FAT3: variants seen among roughly 807,000 people sequenced by gnomAD.
FAT3 encodes protocadherin Fat 3.
A neutral mutation model predicts 310.2 loss-of-function variants in FAT3; 95 were observed. That is an observed-to-expected ratio of 0.31 (90% CI 0.26 to 0.36). The LOEUF is 0.36. Ranked by LOEUF, FAT3 falls within the 10% of genes least tolerant of loss-of-function variation. The pLI is 1.00. For missense variants in FAT3, 5,408 were observed against 5,715.6 expected, an observed-to-expected ratio of 0.95 and a Z score of 1.74; for synonymous variants, 2,314 against 2,192.9, an observed-to-expected ratio of 1.06 and a Z score of -1.54.
At chr11:92,389,648 T>C (rs79121235) in intron 2 of FAT3, among the ~76,000 whole-genome samples, 9,012 of 152,226 alleles carry the variant, frequency 0.059, 895 homozygotes, top group African/African-American at 0.2. Context: ...ATGTGGCTTA[T>C]TTTTGGTGAA....
chr11:92,707,024 C>T (rs775088898), intron 4 of FAT3, among the ~76,000 whole-genome samples: 29 of 152,142 alleles, frequency 1.9e-4, no homozygotes, highest in Non-Finnish European at 2.5e-4. Flanking sequence ...TTTCTGTGCT[C>T]CTGGTTGACC....
intron 7 of FAT3, among the ~76,000 whole-genome samples, chr11:92,780,541 A>C (rs1268999414): frequency 6.6e-6 from 1 of 152,200 alleles, no homozygotes; most frequent in Admixed American, 6.5e-5. Flanking sequence ...AAGGAAAGAG[A>C]GGCAAAGCAA....
At chr11:92,387,398 T>G (rs998605422) in intron 2 of FAT3, among the ~76,000 whole-genome samples, 1 of 151,934 alleles carries the variant, frequency 6.6e-6, no homozygotes, top group African/African-American at 2.4e-5. Flanking sequence ...CTAGCCAAAA[T>G]CTGTGTGTGT....
intron 2 of FAT3, among the ~76,000 whole-genome samples, chr11:92,521,824 GTAAATGCTA>G (rs1953694223): frequency 6.6e-6 from 1 of 152,128 alleles, no homozygotes; most frequent in Non-Finnish European, 1.5e-5. Context: ...TGGATCCTCA[GTAAATGCTA>G]TTTCCCCTGC....
At chr11:92,677,445 C>G (rs563875639) in intron 3 of FAT3, among the ~76,000 whole-genome samples, 1 of 152,328 alleles carries the variant, frequency 6.6e-6, no homozygotes, top group South Asian at 2.1e-4. Flanking sequence ...GATATTTTAA[C>G]CTTCACACTG....
At chr11:92,530,734 A>G (rs550158272) in intron 3 of FAT3, among the ~76,000 whole-genome samples, 1 of 152,228 alleles carries the variant, frequency 6.6e-6, no homozygotes, top group African/African-American at 2.4e-5. Flanking sequence ...TGATTATAAA[A>G]AAGTGTTAGT....
intron 2 of FAT3, among the ~76,000 whole-genome samples, chr11:92,439,421 CAT>C (rs1308321358): frequency 1.3e-5 from 2 of 152,004 alleles, no homozygotes; most frequent in Admixed American, 6.6e-5. Context: ...CAATAAGAAA[CAT>C]GTGGTTTTAT....
At chr11:92,772,550 G>C (rs1337415917) in intron 6 of FAT3, among the ~76,000 whole-genome samples, 1 of 151,928 alleles carries the variant, frequency 6.6e-6, no homozygotes, top group East Asian at 1.9e-4. Context: ...TTTTTTTGGA[G>C]TTAATATTTA....
At chr11:92,729,321 A>AT (rs1945098640) in intron 4 of FAT3, among the ~76,000 whole-genome samples, 2 of 151,862 alleles carry the variant, frequency 1.3e-5, no homozygotes, top group South Asian at 4.2e-4. Context: ...AAATTTTATT[A>AT]TTTTTTCACA....
At chr11:92,824,924 A>G (rs1330877784) in intron 13 of FAT3, among the ~76,000 whole-genome samples, 2 of 152,190 alleles carry the variant, frequency 1.3e-5, no homozygotes, top group Non-Finnish European at 2.9e-5. Flanking sequence ...TATACATCAT[A>G]TGACCGTGGG....
chr11:92,783,981 A>G (rs1946823496), intron 7 of FAT3, among the ~76,000 whole-genome samples: 1 of 152,206 alleles, frequency 6.6e-6, no homozygotes, highest in South Asian at 2.1e-4. Flanking sequence ...TCTCTATAGC[A>G]AAGTACATAA....
At chr11:92,578,273 A>G (rs2135524258) in intron 3 of FAT3, among the ~76,000 whole-genome samples, 1 of 152,248 alleles carries the variant, frequency 6.6e-6, no homozygotes, top group Middle Eastern at 3.4e-3. Context: ...ACAGATTGTG[A>G]GTGTGCTAAA....
At position 92,799,316 on chromosome 11, in the gene FAT3, T is replaced by A. The variant is rs374741639; in HGVS notation, c.6303T>A (p.Thr2101=). ...TTCAAGTGGATGCGGAACCCGGGAC[T>A]CTGATTTATCAGGTGACAGCCATTG... The part of the protein sequence containing the change: ...AAVQVDAEPG[T]LIYQVTAIDK... The change falls in exon 10 of 28, where the codon ACT becomes ACA. Residue 2101 remains threonine, a synonymous_variant. Transcript: ENST00000525166. 6.4e-5 allele frequency: 103 copies of A among 1,613,772 alleles called. No individual in the cohort carries two copies. The highest frequency in any genetic ancestry group is 8.4e-5 in the Non-Finnish European group (99 of 1,179,864).
At chr11:92,677,389 A>G (rs985238241) in intron 3 of FAT3, among the ~76,000 whole-genome samples, 1 of 152,234 alleles carries the variant, frequency 6.6e-6, no homozygotes, top group Non-Finnish European at 1.5e-5. Flanking sequence ...AGAGGCTAAA[A>G]TGAACTCTGA....
chr11:92,583,213 G>A (rs1270646060), intron 3 of FAT3, among the ~76,000 whole-genome samples: 5 of 151,964 alleles, frequency 3.3e-5, no homozygotes, highest in Admixed American at 6.6e-5. Context: ...ATTAAGGGAG[G>A]GGACTTGGAA....
Position 92,844,224 on chromosome 11 carries a change from T to C in FAT3, c.10857T>C (p.Asn3619=). ...GGLDSGKYVL[N]VSVSDGRFQV... ...TGGACAGCGGCAAGTATGTCCTGAA[T>C]GTGTCTGTGAGTGATGGTCGCTTCC... is the stretch of plus-strand genomic sequence containing the variant. The change falls in exon 19 of 28, where the codon AAT becomes AAC. Residue 3619 remains asparagine, a synonymous_variant. Coordinates refer to ENST00000525166, the MANE Select transcript of FAT3 (RefSeq NM_001367949.2). 6.2e-7 allele frequency: 1 copy of C among 1,614,040 alleles called. No individual in the cohort carries two copies. Among genetic ancestry groups the C allele is most frequent in the Non-Finnish European group, 8.5e-7 (1 of 1,179,910 alleles).
intron 2 of FAT3, among the ~76,000 whole-genome samples, chr11:92,447,777 G>A (rs572557441): frequency 2.0e-5 from 3 of 152,244 alleles, no homozygotes; most frequent in African/African-American, 4.8e-5. Context: ...GAAGTGGAAC[G>A]AGAAGAACCA....
At chr11:92,309,340 A>G (rs1172441858) in intron 1 of FAT3, among the ~76,000 whole-genome samples, 1 of 122,822 alleles carries the variant, frequency 8.1e-6, no homozygotes, top group Non-Finnish European at 1.6e-5. Flanking sequence ...TTCCCTGTCC[A>G]TACATTGGTG....
In FAT3 at chr11:92,798,030, C is replaced by A. The variant is rs1193239395; in HGVS notation, c.5017C>A (p.His1673Asn). 6.2e-7 allele frequency: 1 copy of A among 1,613,890 alleles called. No homozygotes were observed. Residue 1673 changes from histidine (H) to asparagine (N), a missense_variant, in exon 10 of 28, where the codon CAC becomes AAC. Physicochemically the swap from His to Asn is moderately conservative, Grantham distance 68. This residue lies in a region of FAT3 where 4,588 missense variants were observed against 4,809.8 expected (regional missense o/e 0.95). Transcript: ENST00000525166. ...TGACAATTCTCACCCCAAGTTCATT[C>A]ACAAAGACTACCAAGCAGAAGTAAA... ...MSDNSHPKFI[H>N]KDYQAEVNEN...
Sources: gnomAD v4.1 joint callset for allele counts (sites outside exome capture counted in the v4.1 genomes callset) on GRCh38, gnomAD v4.1.1 for gene constraint, gnomAD v4.1.1 regional missense constraint, MANE v1.5 for transcripts, NCBI Gene and HGNC (gene_info 2026-07-23, HGNC 2026-07-21) for gene names.